DPP10: variants seen among roughly 807,000 people sequenced by gnomAD.
DPP10 encodes the protein inactive dipeptidyl peptidase 10.
DPP10 carries 33 observed loss-of-function variants against 120.9 expected under a neutral mutation model. The ratio of observed to expected loss-of-function variants is 0.27; its 90% CI spans 0.21 to 0.37. The LOEUF is 0.37. Among genes scored for constraint, DPP10 ranks in the 10% least tolerant of loss-of-function variants. The pLI is 1.00. For synonymous variants in DPP10, 337 were observed against 326.1 expected, an observed-to-expected ratio of 1.03 and a Z score of -0.36; for missense variants, 816 against 942.8, an observed-to-expected ratio of 0.87 and a Z score of 1.76.
At chr2:114,842,506 A>G (rs1688240143) in intron 1 of DPP10, among the ~76,000 whole-genome samples, 1 of 152,160 alleles carries the variant, frequency 6.6e-6, no homozygotes, top group Admixed American at 6.6e-5. Flanking sequence ...GATTAGAATC[A>G]TGGAAAACTA....
intron 1 of DPP10, among the ~76,000 whole-genome samples, chr2:115,118,097 G>A (rs923207294): frequency 6.6e-6 from 1 of 152,040 alleles, no homozygotes; most frequent in African/African-American, 2.4e-5. Flanking sequence ...TAGATAAATG[G>A]CAAAGCTATT....
At chr2:115,074,142 G>A (rs558692438) in intron 1 of DPP10, among the ~76,000 whole-genome samples, 1 of 152,044 alleles carries the variant, frequency 6.6e-6, no homozygotes, top group South Asian at 2.1e-4. Context: ...TTCCCTAGTC[G>A]CTTGGACTAC....
chr2:115,315,886 G>A (rs1237442493), intron 2 of DPP10, among the ~76,000 whole-genome samples: 1 of 152,088 alleles, frequency 6.6e-6, no homozygotes, highest in Admixed American at 6.5e-5. Flanking sequence ...TATCTCTGAT[G>A]TTGAATAAAA....
intron 1 of DPP10, among the ~76,000 whole-genome samples, chr2:114,661,141 G>C (rs1040495796): frequency 5.3e-5 from 8 of 151,890 alleles, no homozygotes; most frequent in Admixed American, 4.6e-4. Flanking sequence ...TCCTTTCAAA[G>C]AACAACAATT....
chr2:115,003,605 A>T (rs993897096), intron 1 of DPP10, among the ~76,000 whole-genome samples: 1 of 152,186 alleles, frequency 6.6e-6, no homozygotes, highest in Non-Finnish European at 1.5e-5. Flanking sequence ...TGCTCAAAAC[A>T]TAAAGAAATC....
chr2:115,308,621 A>G (rs992093027), intron 1 of DPP10, among the ~76,000 whole-genome samples: 3 of 151,566 alleles, frequency 2.0e-5, no homozygotes, highest in Non-Finnish European at 4.4e-5. Context: ...AATATCATGC[A>G]TGTTGCCCAG....
chr2:114,964,619 A>T (rs754706337), intron 1 of DPP10, among the ~76,000 whole-genome samples: 7 of 152,130 alleles, frequency 4.6e-5, no homozygotes, highest in Admixed American at 6.5e-5. Flanking sequence ...CATGAGGTGG[A>T]AGAATGTTAA....
At chr2:114,559,688 G>A (rs1157807121) in intron 1 of DPP10, among the ~76,000 whole-genome samples, 2 of 151,884 alleles carry the variant, frequency 1.3e-5, no homozygotes, top group Non-Finnish European at 2.9e-5. Flanking sequence ...CTAGAGTGTG[G>A]GACTCTCCCA....
intron 1 of DPP10, among the ~76,000 whole-genome samples, chr2:114,793,187 G>A (rs1683398365): frequency 1.3e-5 from 2 of 152,006 alleles, no homozygotes; most frequent in South Asian, 4.1e-4. Flanking sequence ...TGGGATACAT[G>A]TGCAGAACGT....
intron 1 of DPP10, chr2:115,162,023 G>A (rs1452247373): frequency 7.1e-7 from 1 of 1,399,932 alleles, no homozygotes; most frequent in Non-Finnish European, 9.2e-7. Context: ...GCAGCCGGCG[G>A]ACCAGGTGAG....
chr2:115,274,829 ATCTT>A (rs1172279234), intron 1 of DPP10, among the ~76,000 whole-genome samples: 62 of 152,322 alleles, frequency 4.1e-4, no homozygotes, highest in African/African-American at 1.3e-3. Flanking sequence ...CAGTTGTAGC[ATCTT>A]TCTTTCTTGT....
In DPP10 at chr2:114,780,069, T is replaced by G. The variant is rs191626416; in HGVS notation, c.60+337231T>G. On this transcript the variant is annotated intron_variant, in intron 1 of 25. Transcript: ENST00000410059. ...GAGAATGGTGTGAACCCGGGAGGCGTAGCTTGCAGTGAGCCGAGATTGCAC... is the reference window on the plus strand; with the variant it reads ...GAGAATGGTGTGAACCCGGGAGGCGGAGCTTGCAGTGAGCCGAGATTGCAC... Among the ~76,000 whole-genome samples, 544 of 151,556 alleles carry G rather than the reference T, an allele frequency of 3.6e-3. 5 individuals are homozygous for G. The highest frequency in any genetic ancestry group is 0.012 in the African/African-American group (501 of 41,338).
At chr2:115,806,417 A>G (rs112673252) in intron 19 of DPP10, among the ~76,000 whole-genome samples, 2,777 of 152,294 alleles carry the variant, frequency 0.018, 88 homozygotes, top group African/African-American at 0.061. Context: ...AATCATTATT[A>G]TTCCTATTTA....
chr2:115,617,440 A>G (rs2084607894), intron 5 of DPP10, among the ~76,000 whole-genome samples: 3 of 151,338 alleles, frequency 2.0e-5, no homozygotes, highest in Non-Finnish European at 4.4e-5. Context: ...ATATAAAAAC[A>G]TTACTTTCAT....
At chr2:115,329,337 T>C (rs1187935186) in intron 2 of DPP10, among the ~76,000 whole-genome samples, 1 of 152,042 alleles carries the variant, frequency 6.6e-6, no homozygotes, top group Non-Finnish European at 1.5e-5. Flanking sequence ...AGAACATTCA[T>C]TGGATGATTG....
At position 115,518,568 on chromosome 2, in the gene DPP10, CT is replaced by C. The variant is rs1350549189; in HGVS notation, c.367-7326del. On this transcript the variant is annotated intron_variant, in intron 4 of 25. Transcript: ENST00000410059. ...TTTTGTAAATATGGGAATTGCAAAGCTTTTGGTAACCATTATTTTTCTTACA... is the reference window on the plus strand; with the variant it reads ...TTTTGTAAATATGGGAATTGCAAAGCTTTGGTAACCATTATTTTTCTTACA... Among the ~76,000 whole-genome samples, 9 of 151,972 alleles carry C rather than the reference CT, an allele frequency of 5.9e-5. No individual in the cohort carries two copies. In the East Asian group the frequency reaches 1.7e-3, roughly 29 times the overall value.
chr2:114,817,065 G>T (rs1435485335), intron 1 of DPP10, among the ~76,000 whole-genome samples: 1 of 152,142 alleles, frequency 6.6e-6, no homozygotes, highest in Non-Finnish European at 1.5e-5. Context: ...TGTATGCTTG[G>T]AAATGGTTTT....
intron 1 of DPP10, among the ~76,000 whole-genome samples, chr2:115,051,013 A>G (rs1231198049): frequency 1.3e-5 from 2 of 152,214 alleles, no homozygotes; most frequent in Non-Finnish European, 1.5e-5. Context: ...GAAACTCTGG[A>G]GAAGAGAAAA....
chr2:115,833,714 C>T (rs1689161226), intron 21 of DPP10, among the ~76,000 whole-genome samples: 1 of 152,138 alleles, frequency 6.6e-6, no homozygotes. Context: ...CAATTACTGT[C>T]AGGCTGTGTG....
Sources: gnomAD v4.1 joint callset for allele counts (sites outside exome capture counted in the v4.1 genomes callset) on GRCh38, gnomAD v4.1.1 for gene constraint, MANE v1.5 for transcripts, NCBI Gene and HGNC (gene_info 2026-07-23, HGNC 2026-07-21) for gene names.